The following SPMIP4 variants were observed in gnomAD, a reference collection of about 807,000 sequenced individuals.
The protein encoded by SPMIP4 is sperm microtubule inner protein 4, also known as sperm-associated microtubule inner protein 4.
the SPMIP4 span, among the ~76,000 whole-genome samples, chr7:25,171,581 G>A: frequency 6.6e-6 from 1 of 151,966 alleles, no homozygotes; most frequent in African/African-American, 2.4e-5. Context: ...AATACTGGGA[G>A]GAGAAAAAAA....
chr7:25,168,125 A>G, the SPMIP4 span, among the ~76,000 whole-genome samples: 1 of 152,224 alleles, frequency 6.6e-6, no homozygotes, highest in Non-Finnish European at 1.5e-5. Flanking sequence ...CCATTCATTT[A>G]TTATTATTTC....
the SPMIP4 span, chr7:25,168,244 A>G: frequency 1.3e-6 from 2 of 1,541,670 alleles, no homozygotes; most frequent in African/African-American, 1.4e-5. Context: ...GTAAAGAAAA[A>G]TGGATAATAA....
At chr7:25,125,975 G>C in the SPMIP4 span, 1 of 984,860 alleles carries the variant, frequency 1.0e-6, no homozygotes, top group Non-Finnish European at 1.2e-6. Flanking sequence ...TATCCCTCTG[G>C]AACTGAAAAA....
chr7:25,134,498 G>A, the SPMIP4 span, among the ~76,000 whole-genome samples: 1 of 152,196 alleles, frequency 6.6e-6, no homozygotes, highest in Non-Finnish European at 1.5e-5. Flanking sequence ...AGGAAAGGCT[G>A]ACTTCCTCTT....
the SPMIP4 span, chr7:25,142,740 A>C: frequency 2.5e-6 from 4 of 1,607,926 alleles, no homozygotes; most frequent in Non-Finnish European, 3.4e-6. Context: ...ATGAATTTAA[A>C]GAAGTGTTAG....
the SPMIP4 span, among the ~76,000 whole-genome samples, chr7:25,154,767 T>G: frequency 6.6e-6 from 1 of 152,168 alleles, no homozygotes; most frequent in African/African-American, 2.4e-5. Context: ...CGTTTTGGTT[T>G]CTGATTGTAA....
the SPMIP4 span, among the ~76,000 whole-genome samples, chr7:25,160,049 TAAA>T: frequency 6.6e-6 from 1 of 152,072 alleles, no homozygotes; most frequent in Non-Finnish European, 1.5e-5. Flanking sequence ...TCTGAAAAGA[TAAA>T]ATGAAAGTAA....
chr7:25,142,491 A>G, the SPMIP4 span: 7 of 850,432 alleles, frequency 8.2e-6, no homozygotes, highest in Non-Finnish European at 1.2e-5. Flanking sequence ...AGAGAAATTT[A>G]CCACCCACCT....
the SPMIP4 span, chr7:25,179,042 A>AAAACAAACAAACAAAC: frequency 2.2e-3 from 1,958 of 881,652 alleles, 16 homozygotes; most frequent in African/African-American, 0.016. Flanking sequence ...CACCGTCTCA[A>AAAACAAACAAACAAAC]AAACAAACAA....
the SPMIP4 span, chr7:25,134,577 A>G: frequency 1.5e-6 from 1 of 659,698 alleles, no homozygotes; most frequent in African/African-American, 2.0e-5. Flanking sequence ...AGGTAGGCAG[A>G]GTGAACACCA....
At chr7:25,139,605 T>C in the SPMIP4 span, among the ~76,000 whole-genome samples, 3 of 152,176 alleles carry the variant, frequency 2.0e-5, no homozygotes, top group African/African-American at 7.2e-5. Flanking sequence ...AATCTGTTCA[T>C]AGTCAGAGAA....
At chr7:25,165,047 G>T in the SPMIP4 span, among the ~76,000 whole-genome samples, 2 of 152,016 alleles carry the variant, frequency 1.3e-5, no homozygotes. Context: ...GGCTGGTTCC[G>T]TATTTTTGCA....
chr7:25,175,070 C>T, the SPMIP4 span, among the ~76,000 whole-genome samples: 7 of 152,012 alleles, frequency 4.6e-5, no homozygotes, highest in Admixed American at 3.9e-4. Context: ...TCAATGTAAG[C>T]TGAAAAACTA....
chr7:25,152,917 T>C, the SPMIP4 span, among the ~76,000 whole-genome samples: 36 of 152,098 alleles, frequency 2.4e-4, no homozygotes, highest in South Asian at 4.2e-4. Context: ...CTAATTTTTG[T>C]AGTTTTACTA....
At chr7:25,152,748 C>CTTTT in the SPMIP4 span, among the ~76,000 whole-genome samples, 1 of 120,398 alleles carries the variant, frequency 8.3e-6, no homozygotes, top group African/African-American at 3.2e-5. Flanking sequence ...CGTTGTCTCT[C>CTTTT]TTTTTTTTTT....
chr7:25,156,253 G>A, the SPMIP4 span, among the ~76,000 whole-genome samples: 1 of 152,106 alleles, frequency 6.6e-6, no homozygotes, highest in South Asian at 2.1e-4. Flanking sequence ...GAAGCCAGGG[G>A]AGAGGCACGG....
chr7:25,136,817 G>A, the SPMIP4 span: 4 of 1,585,170 alleles, frequency 2.5e-6, no homozygotes, highest in Admixed American at 1.9e-5. This position sits in a 1 kb window ranked among gnomAD's most constrained non-coding sequence, Gnocchi z 5.7. Context: ...ATAAAAAGGA[G>A]AAAAAAATTG....
the SPMIP4 span, chr7:25,135,022 A>G: frequency 1.1e-5 from 8 of 729,782 alleles, no homozygotes; most frequent in African/African-American, 1.5e-4. Flanking sequence ...GTTGGTCATA[A>G]AATTAAAATA....
the SPMIP4 span, among the ~76,000 whole-genome samples, chr7:25,176,946 T>TAA: frequency 3.9e-5 from 6 of 152,232 alleles, no homozygotes; most frequent in Non-Finnish European, 8.8e-5. The surrounding 1 kb of genome is among the most constrained non-coding windows in gnomAD (Gnocchi z 4.4). Flanking sequence ...AGAATCAGTG[T>TAA]TTAGTCTGGC....
Sources: allele counts gnomAD v4.1 joint callset (sites outside exome capture counted in the v4.1 genomes callset), GRCh38; gene constraint gnomAD v4.1.1; non-coding constraint Gnocchi (gnomAD v3.1); transcripts MANE v1.5; gene names NCBI Gene and HGNC (gene_info 2026-07-23, HGNC 2026-07-21).